The following AP3B1 variants were observed in gnomAD, a reference collection of about 807,000 sequenced individuals.
AP3B1 encodes adaptor related protein complex 3 subunit beta 1, also known as AP-3 complex subunit beta-1.
In AP3B1, 61 loss-of-function variants were observed where a neutral mutation model predicts 132.5. The observed-to-expected ratio is 0.46, with a 90% CI of 0.37 to 0.57. The LOEUF (loss-of-function observed/expected upper bound fraction) is 0.57, where lower values mean the gene tolerates loss of function less well. Among genes scored for constraint, AP3B1 ranks in the 20% least tolerant of loss-of-function variants. The pLI is 0.00. For missense variants in AP3B1, 1,120 were observed against 1,289.4 expected (o/e 0.87, Z 2.01); for synonymous variants, 388 against 438.3 (o/e 0.89, Z 1.43).
chr5:78,001,663 C>T (rs1325433542), downstream of AP3B1: 1 of 152,188 alleles, frequency 6.6e-6, no homozygotes, highest in Non-Finnish European at 1.5e-5. Context: ...AAATTCCATT[C>T]TTTTCTTTTC....
In AP3B1 at chr5:78,127,453, T is replaced by C. The variant is rs947304745; in HGVS notation, c.1968+577A>G. On this transcript the variant is annotated intron_variant, in intron 17 of 26. Coordinates refer to ENST00000255194, the MANE Select transcript of AP3B1 (RefSeq NM_003664.5). ...AATTCTTTTATCTCAATGGCCAGCATTTTTTTTAAAGATTGAGAAAAAGAG... is the reference window on the plus strand; with the variant it reads ...AATTCTTTTATCTCAATGGCCAGCACTTTTTTTAAAGATTGAGAAAAAGAG... 9.9e-5 allele frequency among the ~76,000 whole-genome samples: 15 copies of C among 152,138 alleles called. No individual in the cohort carries two copies. The South Asian group carries it at 2.1e-3, about 21-fold the overall frequency.
intron 20 of AP3B1, among the ~76,000 whole-genome samples, chr5:78,103,913 T>C (rs1048016820): frequency 6.6e-6 from 1 of 152,096 alleles, no homozygotes; most frequent in Admixed American, 6.5e-5. Flanking sequence ...ACAATACACC[T>C]GAAAAGATTT....
intron 23 of AP3B1, among the ~76,000 whole-genome samples, chr5:78,035,019 A>G (rs1169075132): frequency 6.6e-6 from 1 of 151,940 alleles, no homozygotes; most frequent in African/African-American, 2.4e-5. Context: ...TAAATACTCA[A>G]AAAAATTTGT....
At chr5:78,180,745 G>A (rs1744330634) in intron 8 of AP3B1, among the ~76,000 whole-genome samples, 1 of 151,918 alleles carries the variant, frequency 6.6e-6, no homozygotes, top group Non-Finnish European at 1.5e-5. Flanking sequence ...GTGTAACCAT[G>A]AATATATGTA....
At chr5:78,159,329 A>G (rs1250751918) in intron 13 of AP3B1, among the ~76,000 whole-genome samples, 1 of 152,176 alleles carries the variant, frequency 6.6e-6, no homozygotes, top group Non-Finnish European at 1.5e-5. Context: ...TTAGTTTCCT[A>G]TTGTTGCTGT....
At chr5:78,166,298 T>G (rs142968350) in intron 11 of AP3B1, among the ~76,000 whole-genome samples, 3 of 152,288 alleles carry the variant, frequency 2.0e-5, no homozygotes, top group Admixed American at 1.3e-4. Context: ...AAAAGGAGAA[T>G]TCTACATCTT....
At chr5:78,177,212 A>T (rs954574315) in intron 9 of AP3B1, 127 bp downstream of exon 9, 12 of 675,936 alleles carry the variant, frequency 1.8e-5, no homozygotes, top group Non-Finnish European at 3.1e-5. Context: ...TTAAGTATGA[A>T]ATCTTACTGA....
intron 11 of AP3B1, among the ~76,000 whole-genome samples, chr5:78,170,831 C>G (rs4270679): frequency 0.1 from 15,742 of 152,134 alleles, 1,553 homozygotes; most frequent in African/African-American, 0.25. Context: ...CAATGGTATT[C>G]TCTAGATTTT....
intron 6 of AP3B1, among the ~76,000 whole-genome samples, chr5:78,224,523 G>T (rs529381243): frequency 6.6e-6 from 1 of 152,094 alleles, no homozygotes; most frequent in African/African-American, 2.4e-5. Flanking sequence ...ACAACAATAA[G>T]TGTGAATGGA....
intron 22 of AP3B1, among the ~76,000 whole-genome samples, chr5:78,051,601 G>A (rs991070986): frequency 9.2e-5 from 14 of 152,026 alleles, no homozygotes; most frequent in African/African-American, 3.1e-4. Flanking sequence ...ACATTTCCAC[G>A]TAAAGCTTTA....
intron 2 of AP3B1, among the ~76,000 whole-genome samples, chr5:78,256,158 A>G (rs1013828523): frequency 6.6e-6 from 1 of 152,064 alleles, no homozygotes; most frequent in African/African-American, 2.4e-5. Flanking sequence ...TAGTAGAAGA[A>G]AAGAAATAAT....
At chr5:78,003,843 G>GC (rs112554353) in intron 26 of AP3B1, among the ~76,000 whole-genome samples, 78 of 152,334 alleles carry the variant, frequency 5.1e-4, no homozygotes, top group African/African-American at 1.6e-3. Context: ...TGACTGAAAA[G>GC]CCGTTGCAGG....
intron 1 of AP3B1, among the ~76,000 whole-genome samples, chr5:78,282,484 C>T (rs1160075302): frequency 1.3e-5 from 2 of 151,970 alleles, no homozygotes; most frequent in Non-Finnish European, 2.9e-5. Flanking sequence ...TTATTAATTT[C>T]ATTTATTTTT....
At chr5:78,043,606 G>T in intron 22 of AP3B1, 1 of 482,642 alleles carries the variant, frequency 2.1e-6, no homozygotes, top group South Asian at 1.7e-5. Flanking sequence ...TAAGGTGGAG[G>T]GTCACTTTGG....
At chr5:78,230,747 C>T (rs1407293342) in intron 3 of AP3B1, among the ~76,000 whole-genome samples, 2 of 152,150 alleles carry the variant, frequency 1.3e-5, no homozygotes, top group African/African-American at 4.8e-5. Flanking sequence ...AAACAGTAAA[C>T]AAATGACAGT....
At chr5:78,292,908 TCACTCTGTCGCC>T (rs1221008007) in intron 1 of AP3B1, among the ~76,000 whole-genome samples, 3 of 152,066 alleles carry the variant, frequency 2.0e-5, no homozygotes, top group African/African-American at 7.2e-5. Context: ...AGACGGAGTC[TCACTCTGTCGCC>T]CACGTTTGAG....
intron 3 of AP3B1, among the ~76,000 whole-genome samples, chr5:78,228,762 TGTTAAAAGAGTCCA>T (rs1375434523): frequency 6.6e-6 from 1 of 152,212 alleles, no homozygotes; most frequent in Non-Finnish European, 1.5e-5. Flanking sequence ...TTTCCTCATC[TGTTAAAAGAGTCCA>T]GAGCCCTAAC....
chr5:78,036,863 A>G (rs925727754), intron 23 of AP3B1, among the ~76,000 whole-genome samples: 4 of 152,152 alleles, frequency 2.6e-5, no homozygotes, highest in African/African-American at 9.6e-5. Context: ...CATTCTTAAA[A>G]TGTTTTTGGA....
chr5:78,030,539 T>C (rs558044762), intron 24 of AP3B1, among the ~76,000 whole-genome samples: 1 of 152,322 alleles, frequency 6.6e-6, no homozygotes, highest in African/African-American at 2.4e-5. Context: ...CTTTTTTCTC[T>C]GCTTTGGAAG....
Sources: allele counts gnomAD v4.1 joint callset (sites outside exome capture counted in the v4.1 genomes callset), GRCh38; gene constraint gnomAD v4.1.1; transcripts MANE v1.5; gene names NCBI Gene and HGNC (gene_info 2026-07-23, HGNC 2026-07-21).